Variants in AKAP19 observed in about 807,000 individuals in gnomAD.
The protein encoded by AKAP19 is small A-kinase anchoring protein.
the AKAP19 span, among the ~76,000 whole-genome samples, chr2:190,178,154 CAG>C: frequency 6.6e-6 from 1 of 152,146 alleles, no homozygotes; most frequent in Admixed American, 6.5e-5. This position sits in a 1 kb window ranked among gnomAD's most constrained non-coding sequence, Gnocchi z 6.3. Flanking sequence ...CAGGTGAGGA[CAG>C]AGGGGCAGAA....
chr2:189,919,010 T>C, the AKAP19 span, among the ~76,000 whole-genome samples: 1 of 152,204 alleles, frequency 6.6e-6, no homozygotes, highest in East Asian at 1.9e-4. Context: ...AAATATTAAA[T>C]AGAAAATTCT....
chr2:189,897,528 TAAG>T, the AKAP19 span, among the ~76,000 whole-genome samples: 2 of 152,154 alleles, frequency 1.3e-5, no homozygotes, highest in Non-Finnish European at 2.9e-5. Context: ...AAGACAATAA[TAAG>T]AACATTTTGG....
chr2:190,082,384 A>G, the AKAP19 span, among the ~76,000 whole-genome samples: 1 of 152,196 alleles, frequency 6.6e-6, no homozygotes, highest in African/African-American at 2.4e-5. Context: ...CAGGATGGCC[A>G]CCTGCAGGCT....
At chr2:189,954,208 A>T in the AKAP19 span, among the ~76,000 whole-genome samples, 1 of 152,352 alleles carries the variant, frequency 6.6e-6, no homozygotes, top group Non-Finnish European at 1.5e-5. Flanking sequence ...ACTTTATCAG[A>T]TTATAAGAAA....
chr2:190,192,649 A>G, the AKAP19 span, among the ~76,000 whole-genome samples: 641 of 152,258 alleles, frequency 4.2e-3, 5 homozygotes, highest in African/African-American at 0.015. Context: ...GATCATGAAC[A>G]GCATTTGTCT....
the AKAP19 span, among the ~76,000 whole-genome samples, chr2:189,971,253 G>A: frequency 5.3e-5 from 8 of 152,058 alleles, no homozygotes; most frequent in East Asian, 3.9e-4. Flanking sequence ...TTGTCCTTGC[G>A]ATAGTTTGCT....
chr2:190,039,266 A>T, the AKAP19 span, among the ~76,000 whole-genome samples: 357 of 152,010 alleles, frequency 2.3e-3, 9 homozygotes, highest in Non-Finnish European at 4.6e-4. Flanking sequence ...TTTAGTAGAG[A>T]TGGAGTTTTG....
chr2:189,993,086 T>C, the AKAP19 span, among the ~76,000 whole-genome samples: 1 of 152,230 alleles, frequency 6.6e-6, no homozygotes, highest in Non-Finnish European at 1.5e-5. Context: ...GGCATCCTTG[T>C]CTTGTTCCAG....
the AKAP19 span, among the ~76,000 whole-genome samples, chr2:189,983,105 A>C: frequency 6.6e-5 from 10 of 152,132 alleles, no homozygotes; most frequent in Admixed American, 5.9e-4. Context: ...TTGAGGTCTT[A>C]GGATAAGGGG....
At chr2:190,108,122 G>A in the AKAP19 span, among the ~76,000 whole-genome samples, 3 of 152,092 alleles carry the variant, frequency 2.0e-5, no homozygotes, top group Non-Finnish European at 4.4e-5. Context: ...GTTATATAAA[G>A]GTTGTTAAAT....
At chr2:190,182,449 C>T in the AKAP19 span, among the ~76,000 whole-genome samples, 1 of 152,080 alleles carries the variant, frequency 6.6e-6, no homozygotes, top group Non-Finnish European at 1.5e-5. Flanking sequence ...ATCCCTGAGC[C>T]TCAGTTTCTC....
the AKAP19 span, among the ~76,000 whole-genome samples, chr2:190,004,460 A>G: frequency 7.7e-6 from 1 of 130,464 alleles, no homozygotes; most frequent in Admixed American, 8.8e-5. Context: ...GCTCCCTTTG[A>G]TATCTCTACC....
chr2:189,948,908 T>A, the AKAP19 span, among the ~76,000 whole-genome samples: 12 of 152,148 alleles, frequency 7.9e-5, no homozygotes, highest in Non-Finnish European at 1.5e-5. Context: ...CTTTTTTTTT[T>A]AAGTTCTTTT....
At chr2:190,032,641 CT>C in the AKAP19 span, among the ~76,000 whole-genome samples, 2 of 152,142 alleles carry the variant, frequency 1.3e-5, no homozygotes, top group African/African-American at 4.8e-5. Context: ...GTTCCTCTCA[CT>C]AGATTACTTT....
chr2:189,966,294 C>T, the AKAP19 span, among the ~76,000 whole-genome samples: 1 of 151,942 alleles, frequency 6.6e-6, no homozygotes, highest in Non-Finnish European at 1.5e-5. Flanking sequence ...AAATAACCTA[C>T]CCATGTAAAC....
At chr2:190,088,268 A>G in the AKAP19 span, among the ~76,000 whole-genome samples, 2 of 152,122 alleles carry the variant, frequency 1.3e-5, no homozygotes, top group African/African-American at 4.8e-5. Flanking sequence ...TAAGGAGTGG[A>G]GAAAGAGAAG....
the AKAP19 span, among the ~76,000 whole-genome samples, chr2:189,886,433 TTTAG>T: frequency 1.6e-4 from 25 of 152,342 alleles, no homozygotes; most frequent in African/African-American, 5.5e-4. Flanking sequence ...TATAAACTTA[TTTAG>T]TTACTCAGTA....
the AKAP19 span, among the ~76,000 whole-genome samples, chr2:190,160,497 A>G: frequency 2.2e-3 from 334 of 152,302 alleles, 1 homozygote; most frequent in Admixed American, 6.1e-3. Context: ...AGACTTTAAA[A>G]TTTATTTTCT....
chr2:190,190,548 A>C, the AKAP19 span, among the ~76,000 whole-genome samples: 8 of 152,160 alleles, frequency 5.3e-5, no homozygotes, highest in African/African-American at 1.7e-4. Context: ...CTGTGTTTCC[A>C]TTTGTCTTAG....
Sources: gnomAD v4.1 joint callset for allele counts (sites outside exome capture counted in the v4.1 genomes callset) on GRCh38, gnomAD v4.1.1 for gene constraint, Gnocchi (gnomAD v3.1) non-coding constraint, MANE v1.5 for transcripts, NCBI Gene and HGNC (gene_info 2026-07-23, HGNC 2026-07-21) for gene names.